The following MAN1C1 variants were observed in gnomAD, a reference collection of about 807,000 sequenced individuals.
MAN1C1 encodes mannosidase alpha class 1C member 1, also known as mannosyl-oligosaccharide 1,2-alpha-mannosidase IC.
In MAN1C1, 49 loss-of-function variants were observed where a neutral mutation model predicts 71.5. The ratio of observed to expected loss-of-function variants is 0.69; its 90% CI spans 0.54 to 0.87. The LOEUF (loss-of-function observed/expected upper bound fraction) is 0.87. MAN1C1 is among the 40% of genes least tolerant of loss of function. The probability of loss-of-function intolerance (pLI) is 0.00; values close to 1 mark genes in which losing one functional copy is unlikely to be tolerated. For synonymous variants in MAN1C1, 352 were observed against 343.7 expected (o/e 1.02, Z -0.27); for missense variants, 743 against 835.0 (o/e 0.89, Z 1.36).
chr1:25,662,650 A>C (rs1572130748), intron 1 of MAN1C1, among the ~76,000 whole-genome samples: 1 of 152,168 alleles, frequency 6.6e-6, no homozygotes, highest in Non-Finnish European at 1.5e-5. Flanking sequence ...ATGTGATCCC[A>C]TCTGGGCATG....
chr1:25,654,848 T>C (rs1029174486), intron 1 of MAN1C1, among the ~76,000 whole-genome samples: 2 of 152,124 alleles, frequency 1.3e-5, no homozygotes, highest in South Asian at 2.1e-4. Flanking sequence ...GGTTTCACCA[T>C]GTTGGCCGGG....
In MAN1C1 at chr1:25,776,557, C is replaced by G. The variant is rs2047621929; in HGVS notation, c.1258-1548C>G. Among the ~76,000 whole-genome samples the G allele has an allele frequency of 6.6e-6, 1 of 152,118 alleles. No homozygotes were observed. Among genetic ancestry groups the G allele is most frequent in the Non-Finnish European group, 1.5e-5 (1 of 68,028 alleles). On this transcript the variant is annotated intron_variant, in intron 8 of 11. Transcript: ENST00000374332. This position sits in a 1 kb window ranked among gnomAD's most constrained non-coding sequence, Gnocchi z 4.3. ...GACAGAGTAAGACTGTGTCTCAAAA[C>G]AAAACGAATTGCACCTCTCATATAT...
chr1:25,689,727 G>A (rs1290794976), intron 2 of MAN1C1, among the ~76,000 whole-genome samples: 3 of 152,190 alleles, frequency 2.0e-5, no homozygotes, highest in African/African-American at 7.2e-5. Flanking sequence ...GACATTTAAT[G>A]TCCTCCCTAT....
At chr1:25,694,798 G>A (rs974899601) in intron 2 of MAN1C1, among the ~76,000 whole-genome samples, 4 of 152,186 alleles carry the variant, frequency 2.6e-5, no homozygotes, top group African/African-American at 4.8e-5. Flanking sequence ...TCCCTAGTAC[G>A]TGGATCTCCA....
Position 25,725,155 on chromosome 1 carries a change from G to A in MAN1C1, c.638-21513G>A, listed in dbSNP as rs1276672567. Among the ~76,000 whole-genome samples the A allele has an allele frequency of 3.3e-5, 5 of 152,228 alleles. No homozygotes were observed. Among genetic ancestry groups the A allele is most frequent in the Non-Finnish European group, 5.9e-5 (4 of 68,050 alleles). On this transcript the variant is annotated intron_variant, in intron 2 of 11. Transcript: ENST00000374332. The surrounding 1 kb of genome is among the most constrained non-coding windows in gnomAD (Gnocchi z 4.8). ...CAGCTCTGGTCAATACCAATGTGGT[G>A]TGAAGACAAAAGGCTCAGTTTGCTC...
chr1:25,689,887 C>T (rs529504956), intron 2 of MAN1C1, among the ~76,000 whole-genome samples: 105 of 152,284 alleles, frequency 6.9e-4, no homozygotes, highest in African/African-American at 2.4e-3. Flanking sequence ...CTTACGGCCT[C>T]GTCCCTGGCC....
intron 7 of MAN1C1, among the ~76,000 whole-genome samples, chr1:25,768,883 CACCACACACAT>C (rs571527411): frequency 0.029 from 4,340 of 147,856 alleles, 167 homozygotes; most frequent in African/African-American, 0.1. Context: ...CCCTCACACA[CACCACACACAT>C]ATTACACACA....
At chr1:25,773,044 A>C (rs2047575036) in intron 8 of MAN1C1, among the ~76,000 whole-genome samples, 1 of 152,226 alleles carries the variant, frequency 6.6e-6, no homozygotes. Context: ...ATCAGCCTCT[A>C]AAATTATCAC....
chr1:25,665,723 T>C (rs2045913373), intron 1 of MAN1C1, among the ~76,000 whole-genome samples: 1 of 152,174 alleles, frequency 6.6e-6, no homozygotes, highest in African/African-American at 2.4e-5. Flanking sequence ...TCAGGTTATT[T>C]CCATCATCCT....
Position 25,721,265 on chromosome 1 carries a change from G to A in MAN1C1, c.638-25403G>A, listed in dbSNP as rs1437512962. Among the ~76,000 whole-genome samples the A allele has an allele frequency of 7.9e-5, 12 of 152,094 alleles. No individual in the cohort carries two copies. In the South Asian group the frequency reaches 1.7e-3, roughly 21 times the overall value. ...GCCCCCCAGAGTGCTGCGATTACAGGTGTAATCTCAGTTTCCATATTAATT... is the reference window on the plus strand; with the variant it reads ...GCCCCCCAGAGTGCTGCGATTACAGATGTAATCTCAGTTTCCATATTAATT... On this transcript the variant is annotated intron_variant, in intron 2 of 11. Coordinates refer to ENST00000374332, the MANE Select transcript of MAN1C1 (RefSeq NM_020379.4).
chr1:25,693,210 T>C (rs2046330118), intron 2 of MAN1C1, among the ~76,000 whole-genome samples: 1 of 152,204 alleles, frequency 6.6e-6, no homozygotes, highest in Non-Finnish European at 1.5e-5. Flanking sequence ...AGAAAATATA[T>C]TCACTGTCCA....
intron 1 of MAN1C1, among the ~76,000 whole-genome samples, chr1:25,625,949 G>A (rs140869516): frequency 1.1e-3 from 172 of 152,278 alleles, no homozygotes; most frequent in African/African-American, 4.1e-3. Flanking sequence ...CCTTTTTATT[G>A]TTGAGATGTA....
chr1:25,698,536 C>A (rs761197817), intron 2 of MAN1C1, among the ~76,000 whole-genome samples: 1 of 152,126 alleles, frequency 6.6e-6, no homozygotes, highest in Non-Finnish European at 1.5e-5. Context: ...TGACCCTCCC[C>A]GGCCAGTGAG....
Position 25,719,393 on chromosome 1 carries a change from T to A in MAN1C1, c.638-27275T>A, listed in dbSNP as rs938266132. Among the ~76,000 whole-genome samples the A allele has an allele frequency of 1.6e-3, 226 of 144,298 alleles. 1 individual carries two copies. The highest frequency in any genetic ancestry group is 5.5e-3 in the African/African-American group (207 of 37,638). 94.7% of individuals were successfully genotyped at this position (144,298 alleles called of 152,430 possible). A position where few individuals can be genotyped will look rare whatever the true frequency, so the allele number is the denominator to read the frequency against. ...CAGCCCCAATACTTATTATTTTTTA[T>A]CTTTTATTTATTTATTTATTTATTT... On this transcript the variant is annotated intron_variant, in intron 2 of 11. Transcript: ENST00000374332.
chr1:25,718,356 T>C (rs1377836740), intron 2 of MAN1C1, among the ~76,000 whole-genome samples: 3 of 152,230 alleles, frequency 2.0e-5, no homozygotes, highest in Non-Finnish European at 4.4e-5. Context: ...TGTCTTGTTC[T>C]GGACAGTTGA....
intron 2 of MAN1C1, among the ~76,000 whole-genome samples, chr1:25,740,522 C>T (rs2008788): frequency 0.068 from 10,352 of 152,104 alleles, 453 homozygotes; most frequent in African/African-American, 0.12. Context: ...CTGCAAGCTC[C>T]GCCTCCCGAG....
At chr1:25,773,140 A>G (rs1274594309) in intron 8 of MAN1C1, among the ~76,000 whole-genome samples, 2 of 152,212 alleles carry the variant, frequency 1.3e-5, no homozygotes, top group South Asian at 2.1e-4. Flanking sequence ...GTCTGCTCCT[A>G]AAACAGTGCC....
At chr1:25,674,754 G>T (rs1411317777) in intron 1 of MAN1C1, among the ~76,000 whole-genome samples, 1 of 105,604 alleles carries the variant, frequency 9.5e-6, no homozygotes, top group East Asian at 2.8e-4. Context: ...CTGACTGAAG[G>T]CGTGAGTGGG....
chr1:25,755,570 G>A lies in MAN1C1; in HGVS notation c.929+1992G>A, dbSNP rs115155175. ...GAAGTCACTGTGTGTCAGGCATCACGTGAGCACGTGACATGGATTGTCTTT... is the reference window on the plus strand; with the variant it reads ...GAAGTCACTGTGTGTCAGGCATCACATGAGCACGTGACATGGATTGTCTTT... On this transcript the variant is annotated intron_variant, in intron 5 of 11. Coordinates refer to ENST00000374332, the MANE Select transcript of MAN1C1 (RefSeq NM_020379.4). 1.0e-3 allele frequency among the ~76,000 whole-genome samples: 157 copies of A among 152,332 alleles called. 3 individuals carry two copies. Among genetic ancestry groups the A allele is most frequent in the African/African-American group, 3.6e-3 (151 of 41,572 alleles).
Sources: gnomAD v4.1 joint callset for allele counts (sites outside exome capture counted in the v4.1 genomes callset) on GRCh38, gnomAD v4.1.1 for gene constraint, Gnocchi (gnomAD v3.1) non-coding constraint, MANE v1.5 for transcripts, NCBI Gene and HGNC (gene_info 2026-07-23, HGNC 2026-07-21) for gene names.